Variants in HECTD4 observed in about 807,000 individuals in gnomAD.
The protein encoded by HECTD4 is HECT domain E3 ubiquitin protein ligase 4.
HECTD4 carries 114 observed loss-of-function variants against 471.5 expected under a neutral mutation model. The observed-to-expected ratio is 0.24, with a 90% CI of 0.21 to 0.28. The LOEUF (loss-of-function observed/expected upper bound fraction) is 0.28, where lower values mean the gene tolerates loss of function less well. Among genes scored for constraint, HECTD4 ranks in the 10% least tolerant of loss-of-function variants. The pLI, the probability that HECTD4 is intolerant of heterozygous loss-of-function variation, is 1.00. For synonymous variants in HECTD4, 2,012 were observed against 2,256.0 expected, an observed-to-expected ratio of 0.89 and a Z score of 3.07; for missense variants, 3,866 against 5,651.5, an observed-to-expected ratio of 0.68 and a Z score of 10.13.
At chr12:112,380,127 T>C (rs1467452890) in intron 1 of HECTD4, among the ~76,000 whole-genome samples, 1 of 152,204 alleles carries the variant, frequency 6.6e-6, no homozygotes, top group African/African-American at 2.4e-5. Flanking sequence ...TTTGGTTCTG[T>C]GAACTTGGAT....
intron 11 of HECTD4, among the ~76,000 whole-genome samples, chr12:112,271,379 G>C (rs1250491644): frequency 1.3e-5 from 2 of 152,170 alleles, no homozygotes; most frequent in Admixed American, 6.5e-5. Context: ...AAAGGGAGAA[G>C]TGGAATCTTA....
intron 2 of HECTD4, 109 bp from the exon 3 acceptor site, chr12:112,314,655 T>C: frequency 3.0e-6 from 2 of 674,210 alleles, no homozygotes; most frequent in Non-Finnish European, 5.3e-6. Context: ...AATGTGTCTC[T>C]CTGCTTCTGC....
rs568873442 is a variant in HECTD4 at position 112,273,031 on chromosome 12, C to T, written c.1942+624G>A. 2.1e-4 allele frequency among the ~76,000 whole-genome samples: 32 copies of T among 152,144 alleles called. 1 individual carries two copies. In the South Asian group the frequency reaches 5.6e-3, roughly 27 times the overall value. The stretch of plus-strand genomic sequence containing the variant: ...CACCATGGACTTCCACTGTTCTTAC[C>T]CAAAGTTCAAGGTTTTTTAAAATGA... On this transcript the variant is annotated intron_variant, in intron 11 of 75. Coordinates refer to ENST00000682272, the MANE Select transcript of HECTD4 (RefSeq NM_001388303.1).
At chr12:112,238,011 C>A (rs1268906782) in intron 34 of HECTD4, among the ~76,000 whole-genome samples, 1 of 152,178 alleles carries the variant, frequency 6.6e-6, no homozygotes, top group Non-Finnish European at 1.5e-5. Flanking sequence ...TCCTCAGCCT[C>A]CCAAAGTGCT....
chr12:112,216,552 G>C (rs904411524), intron 47 of HECTD4, among the ~76,000 whole-genome samples, 181 bp from the exon 48 acceptor site: 11 of 151,982 alleles, frequency 7.2e-5, no homozygotes, highest in African/African-American at 2.7e-4. Flanking sequence ...TAGAATAAAG[G>C]GTTATAGAAT....
intron 1 of HECTD4, among the ~76,000 whole-genome samples, chr12:112,337,852 T>C (rs2035986513): frequency 6.6e-6 from 1 of 152,154 alleles, no homozygotes; most frequent in Non-Finnish European, 1.5e-5. Context: ...GCTGGAAAAA[T>C]GTTGAAAGAA....
At chr12:112,350,788 T>C (rs2036236309) in intron 1 of HECTD4, among the ~76,000 whole-genome samples, 1 of 152,258 alleles carries the variant, frequency 6.6e-6, no homozygotes, top group Non-Finnish European at 1.5e-5. Flanking sequence ...CTCTGATTTA[T>C]GGTGCCAGTA....
intron 1 of HECTD4, among the ~76,000 whole-genome samples, chr12:112,366,113 C>T (rs1262344066): frequency 1.3e-5 from 2 of 152,184 alleles, no homozygotes; most frequent in Middle Eastern, 3.4e-3. Flanking sequence ...GATACCAATA[C>T]TAACAAAATT....
chr12:112,355,621 G>C (rs1057493707), intron 1 of HECTD4, among the ~76,000 whole-genome samples: 1 of 149,944 alleles, frequency 6.7e-6, no homozygotes, highest in Non-Finnish European at 1.5e-5. Context: ...TTAGCTGGGC[G>C]TGGTGGCACA....
At chr12:112,238,973 AT>A in intron 34 of HECTD4, 78 bp downstream of exon 34, 2 of 1,361,698 alleles carry the variant, frequency 1.5e-6, no homozygotes, top group Non-Finnish European at 2.0e-6. Flanking sequence ...TCTCTCTTTC[AT>A]TTAGCATAAA....
intron 44 of HECTD4, among the ~76,000 whole-genome samples, chr12:112,220,039 T>A (rs994463386): frequency 2.6e-5 from 4 of 152,190 alleles, no homozygotes; most frequent in African/African-American, 9.7e-5. Flanking sequence ...CAGTACTCAG[T>A]ATTTATCATC....
At position 112,162,324 on chromosome 12, in the gene HECTD4, G is replaced by A. The variant is rs1402803638; in HGVS notation, c.*63C>T. On this transcript the variant is annotated 3_prime_UTR_variant, in exon 76 of 76. Coordinates refer to ENST00000682272, the MANE Select transcript of HECTD4 (RefSeq NM_001388303.1). The surrounding 1 kb of genome is among the most constrained non-coding windows in gnomAD (Gnocchi z 5.2). Reference sequence around the variant, plus strand: ...GGCCCTGGAGGGACGGGCCGCAGTGGTGGCTTCCCAAGCCAGCAGAGTGGG... The same window carrying A: ...GGCCCTGGAGGGACGGGCCGCAGTGATGGCTTCCCAAGCCAGCAGAGTGGG... 4 of 1,605,042 alleles carry A rather than the reference G, an allele frequency of 2.5e-6. No individual in the cohort carries two copies. In the African/African-American group the frequency reaches 4.0e-5, roughly 16 times the overall value.
intron 1 of HECTD4, among the ~76,000 whole-genome samples, chr12:112,362,507 A>G (rs1325239233): frequency 6.6e-6 from 1 of 151,996 alleles, no homozygotes; most frequent in Non-Finnish European, 1.5e-5. Context: ...GATGGGAGGG[A>G]GGGGAGCACA....
Position 112,306,143 on chromosome 12 carries a change from T to C in HECTD4, c.1256A>G (p.Tyr419Cys), listed in dbSNP as rs753651883. 1.1e-5 allele frequency: 18 copies of C among 1,613,118 alleles called. No homozygotes were observed. Among genetic ancestry groups the C allele is most frequent in the South Asian group, 7.7e-5 (7 of 90,910 alleles). ...VHLSSDGTYF[Y>C]WIWSPASLNE... Reference sequence around the variant, plus strand: ...CAGGCTGGCAGGAGACCAGATCCAATAGAAGTAAGTGCCATCTGAAGACAG... The same window carrying C: ...CAGGCTGGCAGGAGACCAGATCCAACAGAAGTAAGTGCCATCTGAAGACAG... The change falls in exon 7 of 76, where the codon TAT becomes TGT. Residue 419 changes from tyrosine to cysteine, a missense_variant. Coordinates refer to ENST00000682272, the MANE Select transcript of HECTD4 (RefSeq NM_001388303.1).
rs1432954170 is a variant in HECTD4 at position 112,179,459 on chromosome 12, G to A, written c.10988-62C>T. On this transcript the variant is annotated intron_variant, in intron 62 of 75. Coordinates refer to ENST00000682272, the MANE Select transcript of HECTD4 (RefSeq NM_001388303.1). This position sits in a 1 kb window ranked among gnomAD's most constrained non-coding sequence, Gnocchi z 4.3. ...GAACATGCATCGGGACAAGCCCTGC[G>A]AGCATTCTGTTTCCAAACACTGTTT... 3 of 1,401,064 alleles carry A rather than the reference G, an allele frequency of 2.1e-6. No individual in the cohort carries two copies. The highest frequency in any genetic ancestry group is 3.0e-6 in the Non-Finnish European group (3 of 1,009,990). The allele number at this position is 1,401,064 out of a possible 1,614,324, so 86.8% of individuals were successfully genotyped here. A position where few individuals can be genotyped will look rare whatever the true frequency, so the allele number is the denominator to read the frequency against.
At chr12:112,302,359 T>C (rs2035183182) in intron 7 of HECTD4, 1 of 756,600 alleles carries the variant, frequency 1.3e-6, no homozygotes, top group Non-Finnish European at 2.4e-6. Flanking sequence ...GCTTTGTCTC[T>C]GGTCTGTATT....
At position 112,173,378 on chromosome 12, in the gene HECTD4, A is replaced by T. The variant is rs951429166; in HGVS notation, c.11595-517T>A. 2.0e-5 allele frequency among the ~76,000 whole-genome samples: 3 copies of T among 151,708 alleles called. No individual in the cohort carries two copies. The highest frequency in any genetic ancestry group is 1.9e-4 in the East Asian group (1 of 5,154). ...CCTAATTTTAAAATTTTAATTTTTT[A>T]ATTTTTTTATTTTTATTTATTTATT... On this transcript the variant is annotated intron_variant, in intron 66 of 75. Transcript: ENST00000682272. This position sits in a 1 kb window ranked among gnomAD's most constrained non-coding sequence, Gnocchi z 4.3.
At position 112,249,002 on chromosome 12, in the gene HECTD4, C is replaced by T. The variant is rs1436509898; in HGVS notation, c.3951-490G>A. ...GGTATGAATAGTATAATGGCATTGTCGGAGTCTTACGTTGGCAAATAATTT... is the reference window on the plus strand; with the variant it reads ...GGTATGAATAGTATAATGGCATTGTTGGAGTCTTACGTTGGCAAATAATTT... On this transcript the variant is annotated intron_variant, in intron 25 of 75. Coordinates refer to ENST00000682272, the MANE Select transcript of HECTD4 (RefSeq NM_001388303.1). Among the ~76,000 whole-genome samples, 5 of 152,274 alleles carry T rather than the reference C, an allele frequency of 3.3e-5. No homozygotes were observed. The East Asian group carries it at 7.7e-4, about 23-fold the overall frequency.
intron 1 of HECTD4, among the ~76,000 whole-genome samples, chr12:112,373,730 C>T (rs957788269): frequency 2.0e-5 from 3 of 151,948 alleles, no homozygotes; most frequent in Admixed American, 2.0e-4. Flanking sequence ...AGGGGCTGAG[C>T]GCAGTGGCTC....
Sources: allele counts gnomAD v4.1 joint callset (sites outside exome capture counted in the v4.1 genomes callset), GRCh38; gene constraint gnomAD v4.1.1; non-coding constraint Gnocchi (gnomAD v3.1); transcripts MANE v1.5; gene names NCBI Gene and HGNC (gene_info 2026-07-23, HGNC 2026-07-21).